Variants in NAP1L1 observed in about 807,000 individuals in gnomAD.
The protein encoded by NAP1L1 is nucleosome assembly protein 1 like 1, also known as nucleosome assembly protein 1-like 1.
NAP1L1 carries 9 observed loss-of-function variants against 58.9 expected under a neutral mutation model. The observed-to-expected ratio is 0.15, with a 90% confidence interval of 0.09 to 0.27. The LOEUF is 0.27. Ranked by LOEUF, NAP1L1 falls within the 10% of genes least tolerant of loss-of-function variation. NAP1L1 has a pLI of 1.00. For missense variants in NAP1L1, 302 were observed against 458.8 expected, an observed-to-expected ratio of 0.66 and a Z score of 3.12; for synonymous variants, 130 against 138.3, an observed-to-expected ratio of 0.94 and a Z score of 0.42.
chr12:76,058,020 G>T, intron 6 of NAP1L1: 1 of 799,640 alleles, frequency 1.3e-6, no homozygotes, highest in South Asian at 1.3e-5. Context: ...AGAGGAGGAT[G>T]AAATTATCAT....
intron 6 of NAP1L1, chr12:76,058,178 AAGGGAGAGAGG>A: frequency 1.8e-6 from 1 of 547,358 alleles, no homozygotes; most frequent in Non-Finnish European, 3.4e-6. Context: ...GATATGGCCA[AAGGGAGAGAGG>A]CCTACATATA....
At chr12:76,058,101 A>T in intron 6 of NAP1L1, 2 of 748,588 alleles carry the variant, frequency 2.7e-6, no homozygotes, top group Non-Finnish European at 5.0e-6. Context: ...TGATGACAGC[A>T]TCGAAGATCT....
rs1484052587 is a variant in NAP1L1 at position 76,057,950 on chromosome 12, T to C, written c.430-1789A>G. The C allele has an allele frequency of 6.8e-6, 7 of 1,035,622 alleles. No individual in the cohort carries two copies. In the Admixed American group the frequency reaches 7.5e-5, roughly 11 times the overall value. 64.2% of individuals were successfully genotyped at this position (1,035,622 alleles called of 1,614,324 possible). On this transcript the variant is annotated intron_variant, in intron 6 of 14. Transcript: ENST00000618691. The stretch of plus-strand genomic sequence containing the variant: ...GGTTGTGGCCTTGTAACTTTTGAAA[T>C]TGATCTTAAATCACACAAAGATTTT...
intron 14 of NAP1L1, 108 bp from the exon 15 acceptor site, chr12:76,048,572 G>A: frequency 8.9e-7 from 1 of 1,119,546 alleles, no homozygotes; most frequent in Non-Finnish European, 1.4e-6. Flanking sequence ...GTTGTCAAAA[G>A]AAATGGTATA....
chr12:76,080,112 C>G (rs968781564), intron 1 of NAP1L1, among the ~76,000 whole-genome samples: 1 of 152,226 alleles, frequency 6.6e-6, no homozygotes, highest in African/African-American at 2.4e-5. Flanking sequence ...CATTACCCAA[C>G]TGCAGTCACA....
chr12:76,070,510 G>A (rs1049729032), intron 2 of NAP1L1, among the ~76,000 whole-genome samples: 7 of 152,118 alleles, frequency 4.6e-5, no homozygotes, highest in Non-Finnish European at 8.8e-5. Context: ...TCCTCCTCTC[G>A]TGTCTTTAAT....
intron 7 of NAP1L1, among the ~76,000 whole-genome samples, 157 bp from the exon 8 acceptor site, chr12:76,055,247 T>C (rs1215530474): frequency 6.6e-6 from 1 of 152,246 alleles, no homozygotes; most frequent in South Asian, 2.1e-4. Flanking sequence ...TTATGGCTTA[T>C]ACTAAAGCTA....
chr12:76,067,262 G>C (rs1949723152), intron 4 of NAP1L1, 109 bp downstream of exon 4: 1 of 802,418 alleles, frequency 1.2e-6, no homozygotes, highest in East Asian at 2.5e-5. Flanking sequence ...GATACTAACA[G>C]ACAATAGGTT....
intron 1 of NAP1L1, among the ~76,000 whole-genome samples, chr12:76,076,671 C>T (rs888918390): frequency 6.7e-6 from 1 of 149,450 alleles, no homozygotes; most frequent in African/African-American, 2.5e-5. Flanking sequence ...ACCAGAGTAA[C>T]CTAATGAGAA....
chr12:76,079,948 G>T (rs1403119596), intron 1 of NAP1L1, among the ~76,000 whole-genome samples: 1 of 152,176 alleles, frequency 6.6e-6, no homozygotes, highest in Non-Finnish European at 1.5e-5. Context: ...CTCACAAAGT[G>T]CTGTGATTGA....
At chr12:76,066,097 AAAATAAAT>A (rs763030439) in intron 4 of NAP1L1, among the ~76,000 whole-genome samples, 6,140 of 140,074 alleles carry the variant, frequency 0.044, 175 homozygotes, top group Middle Eastern at 0.09. Context: ...AGGAGGACCC[AAAATAAAT>A]AAATAAATAA....
chr12:76,073,157 T>G (rs781041215), intron 2 of NAP1L1, among the ~76,000 whole-genome samples: 8 of 150,392 alleles, frequency 5.3e-5, no homozygotes, highest in Admixed American at 2.0e-4. Context: ...CACTCATCTG[T>G]TTTTTTTTAA....
chr12:76,079,254 G>A (rs756645203), intron 1 of NAP1L1, among the ~76,000 whole-genome samples: 8 of 152,120 alleles, frequency 5.3e-5, no homozygotes, highest in Non-Finnish European at 7.4e-5. Context: ...GGCCATGTGC[G>A]GTAGCTCACG....
At chr12:76,077,389 A>G (rs556032209) in intron 1 of NAP1L1, among the ~76,000 whole-genome samples, 1 of 152,320 alleles carries the variant, frequency 6.6e-6, no homozygotes, top group Admixed American at 6.5e-5. Context: ...TCTACAAACT[A>G]AGACAAACAA....
rs3082540 is a variant in NAP1L1 at position 76,058,194 on chromosome 12, CATATATAT to C, written c.429+1596_429+1603del. 6.8e-3 allele frequency: 2,510 copies of C among 370,390 alleles called. 426 individuals are homozygous for C. Among genetic ancestry groups the C allele is most frequent in the Non-Finnish European group, 8.8e-3 (1,700 of 192,206 alleles). 22.9% of individuals were successfully genotyped at this position (370,390 alleles called of 1,614,324 possible). A position where few individuals can be genotyped will look rare whatever the true frequency, so the allele number is the denominator to read the frequency against. On this transcript the variant is annotated intron_variant, in intron 6 of 14. Transcript: ENST00000618691. ...ATATGGCCAAAGGGAGAGAGGCCTA[CATATATAT>C]ATATATATATATATATATATATGTA... is the stretch of plus-strand genomic sequence containing the variant.
intron 4 of NAP1L1, among the ~76,000 whole-genome samples, chr12:76,065,161 A>G (rs1036096373): frequency 6.6e-6 from 1 of 152,100 alleles, no homozygotes; most frequent in African/African-American, 2.4e-5. Flanking sequence ...GATATCCAAA[A>G]TAAGTATTTC....
chr12:76,081,275 T>C (rs1048444334), intron 1 of NAP1L1, among the ~76,000 whole-genome samples: 1 of 152,212 alleles, frequency 6.6e-6, no homozygotes, highest in Admixed American at 6.5e-5. Context: ...CCTATTTTTT[T>C]TCCTTGTTAA....
At chr12:76,072,075 CA>C (rs2137073893) in intron 2 of NAP1L1, among the ~76,000 whole-genome samples, 1 of 151,002 alleles carries the variant, frequency 6.6e-6, no homozygotes, top group East Asian at 1.9e-4. Flanking sequence ...TCAAATTTTC[CA>C]ATCAATTTTC....
In NAP1L1 at chr12:76,039,456, T is replaced by C. The variant is rs11180811; in HGVS notation, c.*8973A>G. ...TCTGTCTAAGCCTAAGAGAAAAACC[T>C]ATATAAGCCACATTGTATTGGGGCT... On this transcript the variant is annotated 3_prime_UTR_variant, in exon 15 of 15. Transcript: ENST00000618691. The C allele has an allele frequency of 0.095, 14,481 of 152,238 alleles. 1,612 individuals are homozygous for C. Among genetic ancestry groups the C allele is most frequent in the East Asian group, 0.54 (2,793 of 5,170 alleles). The allele number at this position is 152,238 out of a possible 1,614,324, so 9.4% of individuals were successfully genotyped here. A position where few individuals can be genotyped will look rare whatever the true frequency, so the allele number is the denominator to read the frequency against.
Sources: gnomAD v4.1 joint callset for allele counts (sites outside exome capture counted in the v4.1 genomes callset) on GRCh38, gnomAD v4.1.1 for gene constraint, MANE v1.5 for transcripts, NCBI Gene and HGNC (gene_info 2026-07-23, HGNC 2026-07-21) for gene names.